CADPS: variants seen among roughly 807,000 people sequenced by gnomAD.
CADPS encodes calcium dependent secretion activator.
In CADPS, 57 loss-of-function variants were observed where a neutral mutation model predicts 167.3. The observed-to-expected ratio is 0.34, with a 90% CI of 0.28 to 0.42. The LOEUF (loss-of-function observed/expected upper bound fraction) is 0.42, where lower values mean the gene tolerates loss of function less well. Among genes scored for constraint, CADPS ranks in the 20% least tolerant of loss-of-function variants. The probability of loss-of-function intolerance (pLI) is 1.00; values close to 1 mark genes in which losing one functional copy is unlikely to be tolerated. For synonymous variants in CADPS, 676 were observed against 635.3 expected (o/e 1.06, Z -0.96); for missense variants, 1,414 against 1,738.1 (o/e 0.81, Z 3.32).
chr3:62,470,558 A>G (rs920572234), intron 24 of CADPS: 2 of 152,258 alleles, frequency 1.3e-5, no homozygotes, highest in Non-Finnish European at 2.9e-5. Flanking sequence ...GGTTACAGCC[A>G]CTGTGCTAGA....
chr3:62,510,229 C>CTATCTATCTAT (rs2067526000), intron 17 of CADPS, among the ~76,000 whole-genome samples: 3 of 41,740 alleles, frequency 7.2e-5, no homozygotes, highest in African/African-American at 2.6e-4. Context: ...TATCTATCTG[C>CTATCTATCTAT]CTGCCTACCT....
chr3:62,740,462 C>A (rs1029916609), intron 3 of CADPS, among the ~76,000 whole-genome samples: 5 of 152,190 alleles, frequency 3.3e-5, no homozygotes, highest in Non-Finnish European at 5.9e-5. Flanking sequence ...TTATTTCATT[C>A]AACCACATTA....
intron 28 of CADPS, among the ~76,000 whole-genome samples, chr3:62,429,813 A>G (rs572868162): frequency 6.6e-6 from 1 of 152,300 alleles, no homozygotes; most frequent in East Asian, 1.9e-4. Context: ...GGCTTCTTAG[A>G]ATGATTAATG....
chr3:62,418,427 T>C (rs2050620529), intron 28 of CADPS, among the ~76,000 whole-genome samples: 1 of 148,996 alleles, frequency 6.7e-6, no homozygotes, highest in African/African-American at 2.5e-5. Context: ...CAGGCTTAAG[T>C]GATCCTCCTG....
rs144816618 is a variant in CADPS at position 62,875,064 on chromosome 3, C to G, written c.-35G>C. 1 of 1,550,426 alleles carries G rather than the reference C, an allele frequency of 6.4e-7. No individual in the cohort carries two copies. Among genetic ancestry groups the G allele is most frequent in the Middle Eastern group, 1.8e-4 (1 of 5,674 alleles). On this transcript the variant is annotated 5_prime_UTR_variant, in exon 1 of 30. Coordinates refer to ENST00000383710, the MANE Select transcript of CADPS (RefSeq NM_003716.4). The stretch of plus-strand genomic sequence containing the variant: ...TGGGGAGCGGGGTCTCTGGAGCCCC[C>G]GGCTTGGAGTGCAAAAGGTGGGGGG...
intron 6 of CADPS, among the ~76,000 whole-genome samples, chr3:62,596,574 A>T (rs371415734): frequency 6.6e-6 from 1 of 152,056 alleles, no homozygotes; most frequent in Admixed American, 6.6e-5. Flanking sequence ...CACCTCAAAT[A>T]TTTATCATTT....
At chr3:62,655,764 G>A (rs2071400480) in intron 4 of CADPS, among the ~76,000 whole-genome samples, 1 of 152,118 alleles carries the variant, frequency 6.6e-6, no homozygotes, top group Non-Finnish European at 1.5e-5. Context: ...CTAGACACTG[G>A]AGCTCACTGA....
intron 8 of CADPS, among the ~76,000 whole-genome samples, chr3:62,577,610 C>T (rs1465486111): frequency 1.3e-5 from 2 of 152,186 alleles, no homozygotes; most frequent in African/African-American, 4.8e-5. Context: ...TTACAACCAA[C>T]ACGACTAACA....
intron 5 of CADPS, among the ~76,000 whole-genome samples, chr3:62,648,696 A>AAAAAAAAAAAAAAT (rs1430948681): frequency 6.7e-6 from 1 of 150,022 alleles, no homozygotes; most frequent in East Asian, 1.9e-4. Flanking sequence ...TGTGTCAAAA[A>AAAAAAAAAAAAAAT]AAAAAAAAAG....
At chr3:62,690,274 T>C (rs2367317) in intron 3 of CADPS, among the ~76,000 whole-genome samples, 132,535 of 151,636 alleles carry the variant, frequency 0.87, 58,084 homozygotes, top group East Asian at 0.98. Context: ...ACAAAAGTTG[T>C]GACTTATTGT....
intron 26 of CADPS, among the ~76,000 whole-genome samples, chr3:62,456,428 A>C (rs1020502566): frequency 1.3e-5 from 2 of 152,200 alleles, no homozygotes; most frequent in Admixed American, 6.5e-5. Flanking sequence ...CTGGGTAGAC[A>C]TGGTTGCCTG....
chr3:62,524,807 G>T (rs575262330), intron 13 of CADPS, among the ~76,000 whole-genome samples: 1 of 152,144 alleles, frequency 6.6e-6, no homozygotes, highest in Admixed American at 6.6e-5. Flanking sequence ...GATGATTAGA[G>T]AAATTGTATA....
chr3:62,475,088 T>C (rs2150630586), intron 23 of CADPS, among the ~76,000 whole-genome samples: 2 of 152,356 alleles, frequency 1.3e-5, no homozygotes, highest in Non-Finnish European at 2.9e-5. Context: ...TTAATATACA[T>C]ATACAAATTC....
At chr3:62,547,792 C>T (rs1427902403) in intron 11 of CADPS, among the ~76,000 whole-genome samples, 1 of 152,096 alleles carries the variant, frequency 6.6e-6, no homozygotes, top group Non-Finnish European at 1.5e-5. Context: ...CAAGAGCCCC[C>T]ATGCATTTCC....
chr3:62,853,057 G>T (rs1327426873), intron 1 of CADPS, among the ~76,000 whole-genome samples: 3 of 152,096 alleles, frequency 2.0e-5, no homozygotes, highest in Admixed American at 6.6e-5. Flanking sequence ...CTAAGCAGTG[G>T]CTCAAATGCT....
chr3:62,420,322 T>C lies in CADPS; in HGVS notation c.3778-17137A>G, dbSNP rs984807652. On this transcript the variant is annotated intron_variant, in intron 28 of 29. Coordinates refer to ENST00000383710, the MANE Select transcript of CADPS (RefSeq NM_003716.4). The surrounding 1 kb of genome is among the most constrained non-coding windows in gnomAD (Gnocchi z 4.1). ...TAGATCTATTTCAATTCAATGAACATGAGCTCTTTGGGGAATGATTTCTCA... is the reference window on the plus strand; with the variant it reads ...TAGATCTATTTCAATTCAATGAACACGAGCTCTTTGGGGAATGATTTCTCA... 6.6e-6 allele frequency among the ~76,000 whole-genome samples: 1 copy of C among 152,230 alleles called. No individual in the cohort carries two copies. The highest frequency in any genetic ancestry group is 1.5e-5 in the Non-Finnish European group (1 of 68,038).
chr3:62,860,960 G>T (rs1275565031), intron 1 of CADPS, among the ~76,000 whole-genome samples: 1 of 152,118 alleles, frequency 6.6e-6, no homozygotes, highest in East Asian at 1.9e-4. Context: ...TTGGAGAAAG[G>T]ACAAATCCAA....
At position 62,516,165 on chromosome 3, in the gene CADPS, A is replaced by C. The variant is rs756110830; in HGVS notation, c.2475T>G (p.Ile825Met). The C allele has an allele frequency of 1.9e-6, 3 of 1,613,184 alleles. No individual in the cohort carries two copies. Among genetic ancestry groups the C allele is most frequent in the Non-Finnish European group, 2.5e-6 (3 of 1,179,336 alleles). ...CCTCCTCTTGTGGCACTGGGGTAAC[A>C]ATATCTTTCATCAAAACCTTCAAGT... ...SLLERVLMKD[I>M]VTPVPQEEVK... Residue 825 changes from isoleucine (I) to methionine (M), a missense_variant, in exon 16 of 30, where the codon ATT (isoleucine) becomes ATG (methionine). Around this residue, in one of 6 missense-constraint regions of CADPS, gnomAD observed 529 missense variants for 629.6 expected, o/e 0.84. Coordinates refer to ENST00000383710, the MANE Select transcript of CADPS (RefSeq NM_003716.4).
At chr3:62,748,851 G>A (rs1453360068) in intron 3 of CADPS, among the ~76,000 whole-genome samples, 1 of 152,084 alleles carries the variant, frequency 6.6e-6, no homozygotes, top group African/African-American at 2.4e-5. Flanking sequence ...GGGACTATGG[G>A]TGCATGCCAC....
Sources: gnomAD v4.1 joint callset for allele counts (sites outside exome capture counted in the v4.1 genomes callset) on GRCh38, gnomAD v4.1.1 for gene constraint, gnomAD v4.1.1 regional missense constraint, Gnocchi (gnomAD v3.1) non-coding constraint, MANE v1.5 for transcripts, NCBI Gene and HGNC (gene_info 2026-07-23, HGNC 2026-07-21) for gene names.